HAS1: variants seen among roughly 807,000 people sequenced by gnomAD.
The protein encoded by HAS1 is hyaluronan synthase 1.
HAS1 carries 27 observed loss-of-function variants against 35.0 expected under a neutral mutation model. The observed-to-expected ratio is 0.77, with a 90% CI of 0.57 to 1.06. The LOEUF (loss-of-function observed/expected upper bound fraction) is 1.06, where lower values mean the gene tolerates loss of function less well. Ranked by LOEUF, HAS1 falls within the 50% of genes least tolerant of loss-of-function variation. HAS1 has a pLI of 0.00. For synonymous variants in HAS1, 409 were observed against 371.2 expected (o/e 1.10, Z -1.17); for missense variants, 940 against 814.8 (o/e 1.15, Z -1.87).
chr19:51,716,157 G>T (rs2083584611), intron 4 of HAS1, 99 bp downstream of exon 4: 2 of 1,060,512 alleles, frequency 1.9e-6, no homozygotes, highest in African/African-American at 1.6e-5. Context: ...CCCATTGTCT[G>T]GTGAGTTACT....
In HAS1 at chr19:51,720,684, G is replaced by A. The variant is rs187478141; in HGVS notation, c.10-789C>T. 3.9e-4 allele frequency among the ~76,000 whole-genome samples: 59 copies of A among 151,758 alleles called. No homozygotes were observed. The South Asian group carries it at 8.5e-3, about 22-fold the overall frequency. On this transcript the variant is annotated intron_variant, in intron 1 of 4. Transcript: ENST00000540069. ...AATTAAAAAAAAAACAATTAGAGGA[G>A]GGGTCTCACTATGTCTCCTAGGCTC...
In HAS1 at chr19:51,713,347, G is replaced by C; in HGVS notation, c.*80C>G. On this transcript the variant is annotated 3_prime_UTR_variant, in exon 5 of 5. Transcript: ENST00000540069. The surrounding 1 kb of genome is among the most constrained non-coding windows in gnomAD (Gnocchi z 4.5). ...AAACTGAGGCCCAGAGAACCACCCA[G>C]CAAGTTCGTGGCTCGGGGCCCAGCA... is the stretch of plus-strand genomic sequence containing the variant. 2 of 1,335,274 alleles carry C rather than the reference G, an allele frequency of 1.5e-6. No individual in the cohort carries two copies. Among genetic ancestry groups the C allele is most frequent in the East Asian group, 5.5e-5 (2 of 36,664 alleles). 82.7% of individuals were successfully genotyped at this position (1,335,274 alleles called of 1,614,324 possible).
rs755498461 is a variant in HAS1, at chr19:51,719,428, G to A, written c.477C>T (p.Tyr159=). 1.3e-6 allele frequency: 2 copies of A among 1,556,748 alleles called. No individual in the cohort carries two copies. The highest frequency in any genetic ancestry group is 1.7e-6 in the Non-Finnish European group (2 of 1,149,746). Residue 159 remains tyrosine (Y), a synonymous_variant, in exon 2 of 5, where the codon TAC becomes TAT. Transcript: ENST00000540069. The part of the protein sequence containing the change: ...EVFADEDPAT[Y]VWDGNYHQPW... ...GCTGGTGGTAGTTGCCGTCCCACAC[G>A]TACGTGGCGGGGTCCTCGTCAGCGA...
chr19:51,713,390 C>A lies in HAS1; in HGVS notation c.*37G>T, dbSNP rs753687908. On this transcript the variant is annotated 3_prime_UTR_variant, in exon 5 of 5. Transcript: ENST00000540069. The surrounding 1 kb of genome is among the most constrained non-coding windows in gnomAD (Gnocchi z 4.5). ...GCCCAGCAGCTCTCCTCTGGCCTCC[C>A]CTGAAGACCCTTGAGGCGGCATCCG... is the stretch of plus-strand genomic sequence containing the variant. 2.1e-6 allele frequency: 3 copies of A among 1,452,902 alleles called. No homozygotes were observed. Among genetic ancestry groups the A allele is most frequent in the Non-Finnish European group, 2.7e-6 (3 of 1,101,272 alleles). The allele number at this position is 1,452,902 out of a possible 1,614,324, so 90.0% of individuals were successfully genotyped here. A position where few individuals can be genotyped will look rare whatever the true frequency, so the allele number is the denominator to read the frequency against.
At chr19:51,715,815 T>G (rs551412852) in intron 4 of HAS1, among the ~76,000 whole-genome samples, 83 of 152,306 alleles carry the variant, frequency 5.4e-4, no homozygotes, top group African/African-American at 1.9e-3. Context: ...TCTCACTTGT[T>G]TCTTTCTCCG....
rs2083560796 is a variant in HAS1, at chr19:51,713,800, C to T, written c.1361G>A (p.Cys454Tyr). The change falls in exon 5 of 5, where the codon TGC (cysteine) becomes TAC (tyrosine). Residue 454 changes from cysteine (C) to tyrosine (Y), a missense_variant. Transcript: ENST00000540069. This position sits in a 1 kb window ranked among gnomAD's most constrained non-coding sequence, Gnocchi z 4.5. ...GAGCGACAGAAGCACCATGCGCAGG[C>T]AGCCCCGCAGCCAGGCCGCGAAGGC... ...KAAFAAWLRG[C>Y]LRMVLLSLYA... 6.2e-7 allele frequency: 1 copy of T among 1,605,468 alleles called. No homozygotes were observed. Among genetic ancestry groups the T allele is most frequent in the Non-Finnish European group, 8.5e-7 (1 of 1,176,862 alleles).
At position 51,713,558 on chromosome 19, in the gene HAS1, C is replaced by T; in HGVS notation, c.1603G>A (p.Ala535Thr). 6.3e-6 allele frequency: 10 copies of T among 1,579,728 alleles called. No individual in the cohort carries two copies. The highest frequency in any genetic ancestry group is 8.6e-6 in the Non-Finnish European group (10 of 1,163,824). ...CCCGCGGCCAAGTGGTAGGCCTCGGCTGCGCGGGAAGGGCCGCTCCAGTCG... is the reference window on the plus strand; with the variant it reads ...CCCGCGGCCAAGTGGTAGGCCTCGGTTGCGCGGGAAGGGCCGCTCCAGTCG... Reference protein sequence around the residue: ...RADWSGPSRAAEAYHLAAGAG... With the variant: ...RADWSGPSRATEAYHLAAGAG... Residue 535 changes from alanine (A) to threonine (T), a missense_variant, in exon 5 of 5, where the codon GCC becomes ACC. Transcript: ENST00000540069. This position sits in a 1 kb window ranked among gnomAD's most constrained non-coding sequence, Gnocchi z 4.5.
In HAS1 at chr19:51,713,909, C is replaced by T. The variant is rs1300645780; in HGVS notation, c.1252G>A (p.Val418Met). The T allele has an allele frequency of 6.2e-6, 10 of 1,607,310 alleles. No homozygotes were observed. Among genetic ancestry groups the T allele is most frequent in the East Asian group, 4.5e-5 (2 of 44,900 alleles). ...CGGCCCGCGTAGAACAGACGCAGCACAGTGGCCGCCACGAAGAAGGGGAAC... is the reference window on the plus strand; with the variant it reads ...CGGCCCGCGTAGAACAGACGCAGCATAGTGGCCGCCACGAAGAAGGGGAAC... ...GLFPFFVAAT[V>M]LRLFYAGRPW... is the part of the protein sequence containing the mutation. Residue 418 changes from valine to methionine, a missense_variant, in exon 5 of 5, where the codon GTG becomes ATG. Transcript: ENST00000540069. This position sits in a 1 kb window ranked among gnomAD's most constrained non-coding sequence, Gnocchi z 4.5.
chr19:51,718,642 T>C (rs543306213), intron 2 of HAS1, among the ~76,000 whole-genome samples: 5 of 152,306 alleles, frequency 3.3e-5, no homozygotes, highest in African/African-American at 1.2e-4. Context: ...GTTCAAAAGA[T>C]TCTCCTCCCT....
At chr19:51,723,207 G>T (rs76867434) in intron 1 of HAS1, among the ~76,000 whole-genome samples, 2 of 152,050 alleles carry the variant, frequency 1.3e-5, no homozygotes, top group Non-Finnish European at 2.9e-5. Context: ...AGGATGACCC[G>T]AGACACCCAC....
At chr19:51,723,474 C>T (rs1482905223) in intron 1 of HAS1, among the ~76,000 whole-genome samples, 3 of 152,152 alleles carry the variant, frequency 2.0e-5, no homozygotes, top group East Asian at 3.8e-4. Context: ...TCAGTATCGG[C>T]GATTTCATTT....
chr19:51,719,862 A>C lies in HAS1; in HGVS notation c.43T>G (p.Cys15Gly), dbSNP rs1372477092. 2 of 1,544,448 alleles carry C rather than the reference A, an allele frequency of 1.3e-6. No individual in the cohort carries two copies. The highest frequency in any genetic ancestry group is 2.7e-5 in the African/African-American group (2 of 73,306). Reference protein sequence around the residue: ...APKPTPAACRCSGLARRVLTI... With the variant: ...APKPTPAACRGSGLARRVLTI... ...AGCACCCTCCGGGCCAGGCCGGAGCAGCGGCAGGCTGCAGGAGTGGGCTTG... is the reference window on the plus strand; with the variant it reads ...AGCACCCTCCGGGCCAGGCCGGAGCCGCGGCAGGCTGCAGGAGTGGGCTTG... The change falls in exon 2 of 5, where the codon TGC (cysteine) becomes GGC (glycine). Residue 15 changes from cysteine to glycine, a missense_variant. By Grantham distance (159) the Cys-to-Gly change is radical (BLOSUM62 -3). Coordinates refer to ENST00000540069, the MANE Select transcript of HAS1 (RefSeq NM_001297436.2).
chr19:51,713,641 A>G lies in HAS1; in HGVS notation c.1520T>C (p.Leu507Pro), dbSNP rs748183341. The stretch of plus-strand genomic sequence containing the variant: ...GCCCCCAAGCAGCAGCAGCGCCCAG[A>G]GCGCCAGGGGCAGCAGAGGGACGTA... ...ANYVPLLPLA[L>P]WALLLLGGLV... The change falls in exon 5 of 5, where the codon CTC becomes CCC. Residue 507 changes from leucine to proline, a missense_variant. Physicochemically the swap from Leu to Pro is moderately conservative, Grantham distance 98. Transcript: ENST00000540069. The surrounding 1 kb of genome is among the most constrained non-coding windows in gnomAD (Gnocchi z 4.5). The G allele has an allele frequency of 6.4e-7, 1 of 1,567,246 alleles. No homozygotes were observed. Among genetic ancestry groups the G allele is most frequent in the Non-Finnish European group, 8.6e-7 (1 of 1,156,772 alleles).
At chr19:51,723,778 A>G in intron 1 of HAS1, 147 bp downstream of exon 1, 1 of 799,070 alleles carries the variant, frequency 1.3e-6, no homozygotes, top group Non-Finnish European at 2.0e-6. Flanking sequence ...CCCTACACAC[A>G]TATGGTCACT....
At chr19:51,723,673 A>G (rs567889857) in intron 1 of HAS1, among the ~76,000 whole-genome samples, 47 of 152,220 alleles carry the variant, frequency 3.1e-4, no homozygotes, top group Admixed American at 7.2e-4. Context: ...AGAAATACGG[A>G]CATGGCACGT....
In HAS1 at chr19:51,713,544, G is replaced by C; in HGVS notation, c.1617C>G (p.His539Gln). The C allele has an allele frequency of 1.3e-6, 2 of 1,590,076 alleles. No homozygotes were observed. Among genetic ancestry groups the C allele is most frequent in the Middle Eastern group, 1.7e-4 (1 of 6,038 alleles). The change falls in exon 5 of 5, where the codon CAC (histidine) becomes CAG (glutamine). Residue 539 changes from histidine to glutamine, a missense_variant. By Grantham distance (24) the His-to-Gln change is conservative. Transcript: ENST00000540069. This position sits in a 1 kb window ranked among gnomAD's most constrained non-coding sequence, Gnocchi z 4.5. ...CGTAGGCGCCGGCCCCCGCGGCCAA[G>C]TGGTAGGCCTCGGCTGCGCGGGAAG... is the stretch of plus-strand genomic sequence containing the variant. The part of the protein sequence containing the change: ...SGPSRAAEAY[H>Q]LAAGAGAYVG...
intron 3 of HAS1, 67 bp downstream of exon 3, chr19:51,716,901 C>A: frequency 1.9e-6 from 2 of 1,065,774 alleles, no homozygotes; most frequent in Admixed American, 1.7e-5. Context: ...ACATCCTCAG[C>A]CCCATCCGGC....
intron 2 of HAS1, among the ~76,000 whole-genome samples, chr19:51,718,837 A>T (rs745901715): frequency 6.6e-6 from 1 of 152,186 alleles, no homozygotes; most frequent in Non-Finnish European, 1.5e-5. Context: ...CATTGAATGG[A>T]TGGATAACTG....
At chr19:51,720,087 TCTCTCG>T (rs2083620323) in intron 1 of HAS1, 192 bp from the exon 2 acceptor site, 5 of 540,906 alleles carry the variant, frequency 9.2e-6, no homozygotes, top group African/African-American at 6.1e-5. Flanking sequence ...TCTCTCTCTC[TCTCTCG>T]CTCTCGCTCT....
Sources: gnomAD v4.1 joint callset for allele counts (sites outside exome capture counted in the v4.1 genomes callset) on GRCh38, gnomAD v4.1.1 for gene constraint, Gnocchi (gnomAD v3.1) non-coding constraint, MANE v1.5 for transcripts, NCBI Gene and HGNC (gene_info 2026-07-23, HGNC 2026-07-21) for gene names.